Variants in ARHGAP6 observed in about 807,000 individuals in gnomAD.
ARHGAP6 encodes the protein rho GTPase-activating protein 6.
ARHGAP6 carries 16 observed loss-of-function variants against 55.7 expected under a neutral mutation model. The observed-to-expected ratio is 0.29, with a 90% CI of 0.19 to 0.44. The LOEUF (loss-of-function observed/expected upper bound fraction) is 0.44. Among genes scored for constraint, ARHGAP6 ranks in the 20% least tolerant of loss-of-function variants. The pLI is 1.00. For synonymous variants in ARHGAP6, 382 were observed against 360.9 expected (o/e 1.06, Z -0.66); for missense variants, 698 against 808.9 (o/e 0.86, Z 1.66).
At position 11,393,109 on chromosome X, in the gene ARHGAP6, TTTAA is replaced by T. The variant is rs1338344317; in HGVS notation, c.589-138406_589-138403del. Among the ~76,000 whole-genome samples the T allele has an allele frequency of 2.7e-5, 3 of 111,888 alleles. No homozygotes were observed. The Admixed American group carries it at 2.9e-4, about 11-fold the overall frequency. On this transcript the variant is annotated intron_variant, in intron 1 of 12. Coordinates refer to ENST00000337414, the MANE Select transcript of ARHGAP6 (RefSeq NM_013427.3). ...TTTCTTATTTAAAGAAAATGGAAGT[TTTAA>T]TTATTATTTATTCCAAAGATTATAA...
At chrX:11,202,180 C>T (rs1318426079) in intron 2 of ARHGAP6, among the ~76,000 whole-genome samples, 1 of 110,691 alleles carries the variant, frequency 9.0e-6, no homozygotes, top group Admixed American at 9.7e-5. Flanking sequence ...GCAGTCTTTC[C>T]GGAGTTGTAG....
At chrX:11,411,876 A>G (rs2049691929) in intron 1 of ARHGAP6, among the ~76,000 whole-genome samples, 1 of 111,282 alleles carries the variant, frequency 9.0e-6, no homozygotes, top group Admixed American at 9.6e-5. Flanking sequence ...TGCGTTGGAT[A>G]ACCATCACCA....
At chrX:11,551,768 T>A (rs2051268909) in intron 1 of ARHGAP6, among the ~76,000 whole-genome samples, 1 of 111,616 alleles carries the variant, frequency 9.0e-6, no homozygotes, top group African/African-American at 3.3e-5. Flanking sequence ...AGGTAGAGAT[T>A]AGGGTGATGC....
chrX:11,149,638 A>T (rs1265405507), intron 10 of ARHGAP6, among the ~76,000 whole-genome samples: 2 of 112,157 alleles, frequency 1.8e-5, no homozygotes, highest in Non-Finnish European at 3.8e-5. Flanking sequence ...AAAGAAAAAC[A>T]GAAATTATAA....
intron 5 of ARHGAP6, among the ~76,000 whole-genome samples, chrX:11,182,659 A>G (rs182262579): frequency 2.2e-3 from 101 of 46,183 alleles, no homozygotes; most frequent in African/African-American, 9.3e-3. Flanking sequence ...TTTTTGAGAT[A>G]GATTCTCACT....
chrX:11,635,292 T>C (rs2052405685), intron 1 of ARHGAP6, among the ~76,000 whole-genome samples: 1 of 110,665 alleles, frequency 9.0e-6, no homozygotes, highest in Admixed American at 9.6e-5. Context: ...CACAAAAGAC[T>C]ACTTCAAGGA....
chrX:11,194,631 G>A (rs747328368), intron 3 of ARHGAP6, among the ~76,000 whole-genome samples: 1 of 112,070 alleles, frequency 8.9e-6, no homozygotes, highest in Non-Finnish European at 1.9e-5. Flanking sequence ...CAGGGATGCT[G>A]CTAAACATCT....
At chrX:11,381,500 G>A (rs2049262608) in intron 1 of ARHGAP6, among the ~76,000 whole-genome samples, 1 of 112,005 alleles carries the variant, frequency 8.9e-6, no homozygotes, top group African/African-American at 3.2e-5. Flanking sequence ...ATATAAACCA[G>A]TTGTTGTCCA....
chrX:11,418,182 A>C (rs1466120473), intron 1 of ARHGAP6, among the ~76,000 whole-genome samples: 1 of 112,096 alleles, frequency 8.9e-6, no homozygotes, highest in Non-Finnish European at 1.9e-5. Flanking sequence ...CCAAAGAAGC[A>C]GGATGAATAT....
At chrX:11,498,495 G>C (rs1016975801) in intron 1 of ARHGAP6, among the ~76,000 whole-genome samples, 1 of 111,695 alleles carries the variant, frequency 9.0e-6, no homozygotes, top group African/African-American at 3.3e-5. Context: ...CTCACCATCT[G>C]TGCATTCAGT....
At chrX:11,258,380 C>T (rs938499147) in intron 1 of ARHGAP6, among the ~76,000 whole-genome samples, 2 of 109,435 alleles carry the variant, frequency 1.8e-5, no homozygotes, top group Non-Finnish European at 3.8e-5. Context: ...ACTGGGCAGA[C>T]AGTAACACTA....
chrX:11,334,414 ATG>A (rs1362715688), intron 1 of ARHGAP6: 1 of 113,203 alleles, frequency 8.8e-6, no homozygotes, highest in Non-Finnish European at 1.9e-5. Flanking sequence ...GTGTTGTCAG[ATG>A]TGTGAGGAAC....
chrX:11,556,541 C>A (rs7052568), intron 1 of ARHGAP6, among the ~76,000 whole-genome samples: 1,432 of 112,237 alleles, frequency 0.013, 20 homozygotes, highest in African/African-American at 0.044. Flanking sequence ...TACAGAGTTT[C>A]TTTAAAAGAC....
At chrX:11,277,611 T>C (rs768336786) in intron 1 of ARHGAP6, among the ~76,000 whole-genome samples, 2 of 111,117 alleles carry the variant, frequency 1.8e-5, no homozygotes, top group Non-Finnish European at 3.8e-5. Flanking sequence ...TTCCAAGCTG[T>C]GATAAGGAAC....
intron 10 of ARHGAP6, among the ~76,000 whole-genome samples, chrX:11,156,216 T>C (rs961391908): frequency 2.7e-5 from 3 of 112,483 alleles, no homozygotes; most frequent in Non-Finnish European, 5.6e-5. Context: ...AGTAGAATCA[T>C]TGACGTGTAT....
At chrX:11,575,099 T>C (rs1396687378) in intron 1 of ARHGAP6, among the ~76,000 whole-genome samples, 1 of 111,636 alleles carries the variant, frequency 9.0e-6, no homozygotes, top group Non-Finnish European at 1.9e-5. Flanking sequence ...TGGAGCCATG[T>C]GATCAAATAA....
rs2051799207 is a variant in ARHGAP6 at position 11,590,786 on chromosome X, G to GAAAAGAAAAGAAAAGAAAAGAAAA, written c.588+73431_588+73454dup. ...GTGAGACTCCATCTCGAAAAGAAAA[G>GAAAAGAAAAGAAAAGAAAAGAAAA]AAAAGAAAAGAAAAGAAAAGAAAAG... On this transcript the variant is annotated intron_variant, in intron 1 of 12. Coordinates refer to ENST00000337414, the MANE Select transcript of ARHGAP6 (RefSeq NM_013427.3). Among the ~76,000 whole-genome samples the GAAAAGAAAAGAAAAGAAAAGAAAA allele has an allele frequency of 1.1e-4, 2 of 18,083 alleles. 1 individual carries two copies. The highest frequency in any genetic ancestry group is 1.7e-4 in the Non-Finnish European group (2 of 11,787). The allele number at this position is 18,083 out of a possible 115,157, so 15.7% of individuals were successfully genotyped here. A position where few individuals can be genotyped will look rare whatever the true frequency, so the allele number is the denominator to read the frequency against.
At chrX:11,149,775 C>T (rs2045748746) in intron 10 of ARHGAP6, among the ~76,000 whole-genome samples, 1 of 111,669 alleles carries the variant, frequency 9.0e-6, no homozygotes, top group Non-Finnish European at 1.9e-5. Flanking sequence ...AGAAGAAAGC[C>T]TAATGCTCCC....
chrX:11,456,137 T>C (rs1344077350), intron 1 of ARHGAP6, among the ~76,000 whole-genome samples: 1 of 111,924 alleles, frequency 8.9e-6, no homozygotes, highest in African/African-American at 3.2e-5. Context: ...ATATATAATA[T>C]ACCATACAAA....
Sources: gnomAD v4.1 joint callset for allele counts (sites outside exome capture counted in the v4.1 genomes callset) on GRCh38, gnomAD v4.1.1 for gene constraint, MANE v1.5 for transcripts, NCBI Gene and HGNC (gene_info 2026-07-23, HGNC 2026-07-21) for gene names.